The following SEMA3E variants were observed in gnomAD, a reference collection of about 807,000 sequenced individuals.
SEMA3E encodes semaphorin-3E.
SEMA3E carries 49 observed loss-of-function variants against 93.6 expected under a neutral mutation model. The ratio of observed to expected loss-of-function variants is 0.52; its 90% CI spans 0.42 to 0.66. The LOEUF (loss-of-function observed/expected upper bound fraction) is 0.66. Ranked by LOEUF, SEMA3E falls within the 30% of genes least tolerant of loss-of-function variation. SEMA3E has a pLI of 0.00. For missense variants in SEMA3E, 906 were observed against 964.8 expected (o/e 0.94, Z 0.81); for synonymous variants, 363 against 330.7 (o/e 1.10, Z -1.06).
At chr7:83,453,803 C>T (rs1359532395) in intron 4 of SEMA3E, among the ~76,000 whole-genome samples, 1 of 151,842 alleles carries the variant, frequency 6.6e-6, no homozygotes, top group Non-Finnish European at 1.5e-5. Flanking sequence ...TTTTTGTTAA[C>T]TAAAGTCTAG....
rs531829631 is a variant in SEMA3E, at chr7:83,593,344, G to C, written c.115+55084C>G. Among the ~76,000 whole-genome samples the C allele has an allele frequency of 1.7e-3, 242 of 143,220 alleles. 5 individuals carry two copies. In the South Asian group the frequency reaches 0.018, roughly 10 times the overall value. The allele number at this position is 143,220 out of a possible 152,430, so 94.0% of individuals were successfully genotyped here. On this transcript the variant is annotated intron_variant, in intron 1 of 16. Transcript: ENST00000643230. The stretch of plus-strand genomic sequence containing the variant: ...TGTGTGTGTGTGTGTGTTGGGGAGG[G>C]GGAAAGAGTTTTGGAGTTGAGATCA...
chr7:83,647,874 A>T (rs187577513), intron 1 of SEMA3E, among the ~76,000 whole-genome samples: 180 of 152,346 alleles, frequency 1.2e-3, no homozygotes, highest in African/African-American at 3.9e-3. Context: ...AATTTATATT[A>T]GTTGTTAATC....
intron 1 of SEMA3E, among the ~76,000 whole-genome samples, chr7:83,523,347 G>A (rs542787741): frequency 6.6e-6 from 1 of 152,130 alleles, no homozygotes; most frequent in South Asian, 2.1e-4. Flanking sequence ...TTGTCAAGAA[G>A]GAGAAAGTAT....
chr7:83,625,560 C>T (rs1793653191), intron 1 of SEMA3E, among the ~76,000 whole-genome samples: 1 of 152,042 alleles, frequency 6.6e-6, no homozygotes, highest in African/African-American at 2.4e-5. Flanking sequence ...TATTTTGTAT[C>T]CTGAGACTTT....
intron 4 of SEMA3E, among the ~76,000 whole-genome samples, chr7:83,454,196 TGCAGTGA>T (rs989958764): frequency 5.7e-5 from 8 of 139,520 alleles, no homozygotes; most frequent in African/African-American, 1.9e-4. Flanking sequence ...AGGCGGAGCT[TGCAGTGA>T]GCCGAGATGG....
intron 1 of SEMA3E, among the ~76,000 whole-genome samples, chr7:83,589,315 G>T (rs1371481801): frequency 6.6e-6 from 1 of 151,806 alleles, no homozygotes; most frequent in Non-Finnish European, 1.5e-5. Flanking sequence ...TCCTACCTGA[G>T]ATTATTATTT....
Position 83,387,848 on chromosome 7 carries a change from A to G in SEMA3E, c.1668-798T>C, listed in dbSNP as rs916913103. On this transcript the variant is annotated intron_variant, in intron 14 of 16. Coordinates refer to ENST00000643230, the MANE Select transcript of SEMA3E (RefSeq NM_012431.3). ...TTTATATATATATAACGTTATATAT[A>G]TGTTTATATATATATAACATTATAT... Among the ~76,000 whole-genome samples the G allele has an allele frequency of 1.8e-3, 215 of 119,942 alleles. 1 individual carries two copies. The highest frequency in any genetic ancestry group is 3.4e-3 in the Non-Finnish European group (178 of 51,828). The allele number at this position is 119,942 out of a possible 152,430, so 78.7% of individuals were successfully genotyped here.
chr7:83,416,607 C>A (rs1788545660), intron 5 of SEMA3E, among the ~76,000 whole-genome samples: 1 of 151,920 alleles, frequency 6.6e-6, no homozygotes, highest in Non-Finnish European at 1.5e-5. Flanking sequence ...TTTTATGATT[C>A]TTATGAATAA....
intron 4 of SEMA3E, among the ~76,000 whole-genome samples, chr7:83,426,368 A>C (rs1250357008): frequency 6.7e-6 from 1 of 149,538 alleles, no homozygotes; most frequent in Admixed American, 6.8e-5. Context: ...AATGTGATAC[A>C]TATACACCAT....
At chr7:83,511,119 T>C (rs994390240) in intron 1 of SEMA3E, among the ~76,000 whole-genome samples, 3 of 152,138 alleles carry the variant, frequency 2.0e-5, no homozygotes, top group Admixed American at 2.0e-4. Flanking sequence ...CTTCTTGTGG[T>C]TCCTGTAGTC....
At chr7:83,597,674 G>A (rs1051224265) in intron 1 of SEMA3E, among the ~76,000 whole-genome samples, 3 of 152,112 alleles carry the variant, frequency 2.0e-5, no homozygotes, top group African/African-American at 2.4e-5. Flanking sequence ...GATTCAGCGT[G>A]TATAAATAAT....
chr7:83,624,978 G>C (rs1295327042), intron 1 of SEMA3E, among the ~76,000 whole-genome samples: 1 of 152,166 alleles, frequency 6.6e-6, no homozygotes, highest in Non-Finnish European at 1.5e-5. Context: ...TTATTAAATA[G>C]GGAATCCTTT....
At chr7:83,546,501 G>A (rs935838339) in intron 1 of SEMA3E, among the ~76,000 whole-genome samples, 1 of 151,792 alleles carries the variant, frequency 6.6e-6, no homozygotes, top group East Asian at 1.9e-4. Flanking sequence ...AGAAGACAAA[G>A]ACAAAACATA....
chr7:83,590,605 C>T (rs1472104755), intron 1 of SEMA3E, among the ~76,000 whole-genome samples: 1 of 152,054 alleles, frequency 6.6e-6, no homozygotes, highest in Non-Finnish European at 1.5e-5. Context: ...TGTAATTCTG[C>T]CCAATTAAAA....
At chr7:83,518,321 A>G (rs1350019744) in intron 1 of SEMA3E, among the ~76,000 whole-genome samples, 1 of 152,126 alleles carries the variant, frequency 6.6e-6, no homozygotes, top group East Asian at 1.9e-4. Context: ...AGCTCAGAAA[A>G]AAAAAGATAG....
rs1366447757 is a variant in SEMA3E, at chr7:83,639,136, AAAAAC to A, written c.115+9287_115+9291del. Among the ~76,000 whole-genome samples, 37 of 132,132 alleles carry A rather than the reference AAAAAC, an allele frequency of 2.8e-4. 6 individuals are homozygous for A. The highest frequency in any genetic ancestry group is 7.6e-4 in the South Asian group (3 of 3,922). 86.7% of individuals were successfully genotyped at this position (132,132 alleles called of 152,430 possible). A position where few individuals can be genotyped will look rare whatever the true frequency, so the allele number is the denominator to read the frequency against. ...AAAAAAAAAAAAAAAAAAAAAAAAA[AAAAAC>A]AGAGATTCCTGAGCCTCAGAATTAT... On this transcript the variant is annotated intron_variant, in intron 1 of 16. Transcript: ENST00000643230.
intron 1 of SEMA3E, among the ~76,000 whole-genome samples, chr7:83,520,732 G>A (rs1791026812): frequency 6.6e-6 from 1 of 152,182 alleles, no homozygotes; most frequent in African/African-American, 2.4e-5. Flanking sequence ...TAGGATAGAA[G>A]TTATTTTGAG....
At chr7:83,436,915 C>T (rs571457823) in intron 4 of SEMA3E, among the ~76,000 whole-genome samples, 2 of 152,258 alleles carry the variant, frequency 1.3e-5, no homozygotes, top group South Asian at 2.1e-4. Flanking sequence ...TGCAACATGG[C>T]TGAGGAAGCC....
chr7:83,534,221 A>G (rs1225610028), intron 1 of SEMA3E, among the ~76,000 whole-genome samples: 1 of 152,170 alleles, frequency 6.6e-6, no homozygotes, highest in African/African-American at 2.4e-5. Context: ...TTTCTGATTT[A>G]TTCTATCTCA....
Sources: gnomAD v4.1 joint callset for allele counts (sites outside exome capture counted in the v4.1 genomes callset) on GRCh38, gnomAD v4.1.1 for gene constraint, MANE v1.5 for transcripts, NCBI Gene and HGNC (gene_info 2026-07-23, HGNC 2026-07-21) for gene names.